Variants in SORT1 observed in about 807,000 individuals in gnomAD.
SORT1 encodes sortilin 1.
A neutral mutation model predicts 101.7 loss-of-function variants in SORT1; 39 were observed. The ratio of observed to expected loss-of-function variants is 0.38; its 90% CI spans 0.30 to 0.50. The LOEUF (loss-of-function observed/expected upper bound fraction) is 0.50, where lower values mean the gene tolerates loss of function less well. SORT1 is among the 20% of genes least tolerant of loss of function. The pLI, the probability that SORT1 is intolerant of heterozygous loss-of-function variation, is 0.90. For missense variants in SORT1, 878 were observed against 1,040.4 expected (o/e 0.84, Z 2.15); for synonymous variants, 396 against 393.7 (o/e 1.01, Z -0.07).
At chr1:109,393,884 T>C (rs775577515) in intron 1 of SORT1, among the ~76,000 whole-genome samples, 1 of 151,582 alleles carries the variant, frequency 6.6e-6, no homozygotes, top group Non-Finnish European at 1.5e-5. Context: ...TATACAATAA[T>C]ATACATATAC....
chr1:109,390,860 C>T (rs978366651), intron 1 of SORT1, among the ~76,000 whole-genome samples: 8 of 151,478 alleles, frequency 5.3e-5, no homozygotes, highest in East Asian at 1.9e-4. Context: ...AAACATAAGA[C>T]GGATAGTATT....
chr1:109,375,290 C>T (rs1427316760), intron 1 of SORT1, among the ~76,000 whole-genome samples: 3 of 152,010 alleles, frequency 2.0e-5, no homozygotes, highest in African/African-American at 4.8e-5. Flanking sequence ...ATAATAGCCA[C>T]GGTGGCTCAC....
chr1:109,354,248 C>T (rs903817469), intron 5 of SORT1, 119 bp downstream of exon 5: 5 of 713,814 alleles, frequency 7.0e-6, no homozygotes, highest in Non-Finnish European at 1.1e-5. Context: ...ATACTTCATG[C>T]CATAAGGAGA....
intron 15 of SORT1, among the ~76,000 whole-genome samples, chr1:109,320,389 ACTAT>A (rs1647542535): frequency 6.6e-6 from 1 of 151,600 alleles, no homozygotes; most frequent in Non-Finnish European, 1.5e-5. Flanking sequence ...CTTCCTTCCC[ACTAT>A]CTCAGTGGAA....
chr1:109,345,506 C>T (rs1224639220), intron 8 of SORT1, among the ~76,000 whole-genome samples: 1 of 150,340 alleles, frequency 6.7e-6, no homozygotes, highest in African/African-American at 2.5e-5. Context: ...CAGAGAGAGA[C>T]TTTGTTTCAA....
chr1:109,317,685 A>T (rs545224556), intron 16 of SORT1, among the ~76,000 whole-genome samples, 168 bp downstream of exon 16: 93 of 152,110 alleles, frequency 6.1e-4, no homozygotes, highest in African/African-American at 2.2e-3. Context: ...CTCATGGCTC[A>T]CCTCCTGTAG....
At chr1:109,392,412 A>G (rs1209248758) in intron 1 of SORT1, among the ~76,000 whole-genome samples, 1 of 152,246 alleles carries the variant, frequency 6.6e-6, no homozygotes, top group Admixed American at 6.5e-5. Flanking sequence ...ATCTGATCAA[A>G]ACAGCAGGAT....
intron 12 of SORT1, 69 bp downstream of exon 12, chr1:109,327,430 C>A: frequency 1.0e-6 from 1 of 969,688 alleles, no homozygotes; most frequent in Admixed American, 2.3e-5. Context: ...GCGTTCAAAG[C>A]CTGTTGGCTG....
At position 109,311,727 on chromosome 1, in the gene SORT1, G is replaced by C. The variant is rs558256804; in HGVS notation, c.*2316C>G. On this transcript the variant is annotated 3_prime_UTR_variant, in exon 20 of 20. Transcript: ENST00000256637. ...GAAAATACAATTTTCTGTTCACCAA[G>C]GTGGCAAAAAGGTGCTAAATACTGC... The C allele has an allele frequency of 6.6e-6, 1 of 152,352 alleles. No homozygotes were observed. The highest frequency in any genetic ancestry group is 2.4e-5 in the African/African-American group (1 of 41,572). 9.4% of individuals were successfully genotyped at this position (152,352 alleles called of 1,614,324 possible).
intron 14 of SORT1, among the ~76,000 whole-genome samples, chr1:109,324,096 C>T (rs1361751005): frequency 6.6e-6 from 1 of 151,108 alleles, no homozygotes; most frequent in East Asian, 2.0e-4. Flanking sequence ...CACTTAACTA[C>T]AGGTCATCCT....
chr1:109,326,484 CATAT>C (rs1188891479), intron 13 of SORT1, among the ~76,000 whole-genome samples: 3 of 87,836 alleles, frequency 3.4e-5, no homozygotes, highest in Admixed American at 2.8e-4. Context: ...CACACACACA[CATAT>C]ATATACACAC....
At chr1:109,392,049 G>T (rs1016529549) in intron 1 of SORT1, among the ~76,000 whole-genome samples, 5 of 152,192 alleles carry the variant, frequency 3.3e-5, no homozygotes, top group African/African-American at 7.2e-5. Flanking sequence ...TGTCAAATGT[G>T]ATGGCTTTGT....
At chr1:109,351,849 C>T (rs761779323) in intron 5 of SORT1, among the ~76,000 whole-genome samples, 1 of 152,140 alleles carries the variant, frequency 6.6e-6, no homozygotes, top group Non-Finnish European at 1.5e-5. Flanking sequence ...CACATTAGTT[C>T]GGTAAGAGCT....
At chr1:109,367,131 G>C (rs1426455204) in intron 3 of SORT1, 1 of 270,986 alleles carries the variant, frequency 3.7e-6, no homozygotes, top group African/African-American at 2.2e-5. Flanking sequence ...GGAGGCTGAA[G>C]TGGGAGGATG....
chr1:109,317,069 G>T (rs878994031), intron 16 of SORT1, 111 bp from the exon 17 acceptor site: 4 of 717,876 alleles, frequency 5.6e-6, no homozygotes, highest in East Asian at 2.7e-5. Context: ...CCATCCTTAC[G>T]TCATGTTTCA....
Position 109,355,649 on chromosome 1 carries a change from C to CG in SORT1, c.441-181_441-180insC, listed in dbSNP as rs1553196383. On this transcript the variant is annotated intron_variant, in intron 3 of 19. Transcript: ENST00000256637. ...AGTCCGAAGAACATTCCACCCGCCC[C>CG]CCCCCCCACAAACCCACTCACCAGT... 3.0e-5 allele frequency among the ~76,000 whole-genome samples: 4 copies of CG among 134,616 alleles called. No homozygotes were observed. The East Asian group carries it at 8.1e-4, about 27-fold the overall frequency. 88.3% of individuals were successfully genotyped at this position (134,616 alleles called of 152,430 possible).
At chr1:109,379,093 A>G (rs897669642) in intron 1 of SORT1, among the ~76,000 whole-genome samples, 9 of 151,744 alleles carry the variant, frequency 5.9e-5, no homozygotes, top group Non-Finnish European at 7.4e-5. Context: ...CAGTGAGCCG[A>G]GACTGCGCCA....
At chr1:109,381,667 T>C (rs1301795484) in intron 1 of SORT1, among the ~76,000 whole-genome samples, 1 of 152,108 alleles carries the variant, frequency 6.6e-6, no homozygotes, top group Non-Finnish European at 1.5e-5. Context: ...CTCAGGAGTT[T>C]GAGACCAGCC....
At chr1:109,342,795 G>A (rs1346033750) in intron 8 of SORT1, among the ~76,000 whole-genome samples, 1 of 152,046 alleles carries the variant, frequency 6.6e-6, no homozygotes, top group Non-Finnish European at 1.5e-5. Context: ...CTGACGAAAA[G>A]AGTCTGTTAA....
Sources: gnomAD v4.1 joint callset for allele counts (sites outside exome capture counted in the v4.1 genomes callset) on GRCh38, gnomAD v4.1.1 for gene constraint, MANE v1.5 for transcripts, NCBI Gene and HGNC (gene_info 2026-07-23, HGNC 2026-07-21) for gene names.